The following ZNF804A variants were observed in gnomAD, a reference collection of about 807,000 sequenced individuals.
The protein encoded by ZNF804A is zinc finger protein 804A.
ZNF804A carries 2 observed loss-of-function variants against 16.5 expected under a neutral mutation model. The ratio of observed to expected loss-of-function variants is 0.12; its 90% CI spans 0.05 to 0.38. The LOEUF (loss-of-function observed/expected upper bound fraction) is 0.38, where lower values mean the gene tolerates loss of function less well. Ranked by LOEUF, ZNF804A falls within the 10% of genes least tolerant of loss-of-function variation. The pLI is 0.99. For missense variants in ZNF804A, 1,473 were observed against 1,390.7 expected (o/e 1.06, Z -0.94); for synonymous variants, 534 against 489.6 (o/e 1.09, Z -1.20).
At chr2:184,676,767 A>G (rs1410436899) in intron 1 of ZNF804A, among the ~76,000 whole-genome samples, 1 of 151,846 alleles carries the variant, frequency 6.6e-6, no homozygotes, top group African/African-American at 2.4e-5. Flanking sequence ...GATCAATAGT[A>G]TCTTGAACTT....
At position 184,939,348 on chromosome 2, in the gene ZNF804A, T is replaced by C. The variant is rs762986155; in HGVS notation, c.*322T>C. 5.5e-5 allele frequency: 10 copies of C among 181,644 alleles called. No homozygotes were observed. The highest frequency in any genetic ancestry group is 1.2e-4 in the Admixed American group (2 of 17,028). The allele number at this position is 181,644 out of a possible 1,614,324, so 11.3% of individuals were successfully genotyped here. A position where few individuals can be genotyped will look rare whatever the true frequency, so the allele number is the denominator to read the frequency against. On this transcript the variant is annotated 3_prime_UTR_variant, in exon 4 of 4. Coordinates refer to ENST00000302277, the MANE Select transcript of ZNF804A (RefSeq NM_194250.2). The stretch of plus-strand genomic sequence containing the variant: ...ATTTATGTTGTAAAGTATGCTCCCT[T>C]GGTTTTTCTTAATCTTTGTGTATTT...
At chr2:184,703,067 C>T (rs1371479251) in intron 1 of ZNF804A, among the ~76,000 whole-genome samples, 1 of 152,096 alleles carries the variant, frequency 6.6e-6, no homozygotes, top group Non-Finnish European at 1.5e-5. Context: ...TGATTATAAG[C>T]AATTTAATTG....
At chr2:184,929,995 T>C (rs1685670354) in intron 2 of ZNF804A, among the ~76,000 whole-genome samples, 1 of 152,152 alleles carries the variant, frequency 6.6e-6, no homozygotes, top group Non-Finnish European at 1.5e-5. Flanking sequence ...TCACTCCTTA[T>C]TTCTGTAAAA....
chr2:184,614,103 C>A (rs1691283314), intron 1 of ZNF804A, among the ~76,000 whole-genome samples: 1 of 152,096 alleles, frequency 6.6e-6, no homozygotes, highest in Non-Finnish European at 1.5e-5. Context: ...ACTAATGGAA[C>A]AGAACAGAGG....
At chr2:184,779,096 C>T (rs1694334981) in intron 1 of ZNF804A, among the ~76,000 whole-genome samples, 1 of 151,640 alleles carries the variant, frequency 6.6e-6, no homozygotes, top group Admixed American at 6.6e-5. Context: ...TACCATAAGA[C>T]ATTTTTCCCC....
chr2:184,790,489 A>G (rs1447257644), intron 1 of ZNF804A, among the ~76,000 whole-genome samples: 1 of 152,082 alleles, frequency 6.6e-6, no homozygotes, highest in African/African-American at 2.4e-5. Flanking sequence ...TTTCTTAGAT[A>G]TAGCAGTATT....
At chr2:184,880,152 T>A (rs1684786626) in intron 2 of ZNF804A, among the ~76,000 whole-genome samples, 1 of 152,020 alleles carries the variant, frequency 6.6e-6, no homozygotes, top group Non-Finnish European at 1.5e-5. Flanking sequence ...TGGAGCCCTT[T>A]TGGGAAAAAA....
intron 1 of ZNF804A, among the ~76,000 whole-genome samples, chr2:184,691,383 G>C (rs955354562): frequency 6.6e-6 from 1 of 151,754 alleles, no homozygotes; most frequent in Non-Finnish European, 1.5e-5. Context: ...TTTGTTCCAA[G>C]TCAATTGGTA....
At chr2:184,727,765 T>C (rs1444036982) in intron 1 of ZNF804A, among the ~76,000 whole-genome samples, 1 of 151,714 alleles carries the variant, frequency 6.6e-6, no homozygotes, top group Non-Finnish European at 1.5e-5. Context: ...TTAATTCTAC[T>C]AAACACTTAC....
At chr2:184,841,641 T>C (rs1355154208) in intron 1 of ZNF804A, among the ~76,000 whole-genome samples, 1 of 152,222 alleles carries the variant, frequency 6.6e-6, no homozygotes, top group Non-Finnish European at 1.5e-5. Context: ...TGACCAGTAA[T>C]AATACATTTA....
intron 1 of ZNF804A, among the ~76,000 whole-genome samples, chr2:184,775,500 A>G (rs1389348377): frequency 6.6e-6 from 1 of 151,712 alleles, no homozygotes; most frequent in East Asian, 1.9e-4. Context: ...TCGGTTCTAC[A>G]CTTCTACTTT....
At chr2:184,702,129 A>G (rs1420232463) in intron 1 of ZNF804A, among the ~76,000 whole-genome samples, 1 of 152,006 alleles carries the variant, frequency 6.6e-6, no homozygotes, top group African/African-American at 2.4e-5. Context: ...TTTTTAAAGA[A>G]CCTTGTTTTC....
intron 1 of ZNF804A, among the ~76,000 whole-genome samples, chr2:184,862,441 C>G (rs539982525): frequency 6.6e-6 from 1 of 152,232 alleles, no homozygotes; most frequent in East Asian, 1.9e-4. Context: ...CTTAATTGCA[C>G]TTAACATCAA....
At chr2:184,665,740 C>T (rs931034813) in intron 1 of ZNF804A, among the ~76,000 whole-genome samples, 3 of 152,192 alleles carry the variant, frequency 2.0e-5, no homozygotes, top group African/African-American at 7.2e-5. Flanking sequence ...TCCCTATTTT[C>T]TTGTTGACAG....
chr2:184,935,957 A>C lies in ZNF804A; in HGVS notation c.561A>C (p.Pro187=), dbSNP rs1181619906. Residue 187 remains proline (P), a synonymous_variant, in exon 4 of 4, where the codon CCA becomes CCC. Transcript: ENST00000302277. ...ATGCTACCACTGTTGCTGAAGATCC[A>C]GAAAGTGCAAATAATTATACAGCAA... ...TKDATTVAED[P]ESANNYTAKN... 4 of 1,613,882 alleles carry C rather than the reference A, an allele frequency of 2.5e-6. No homozygotes were observed. Among genetic ancestry groups the C allele is most frequent in the Non-Finnish European group, 3.4e-6 (4 of 1,179,928 alleles).
At chr2:184,858,883 G>T (rs1410158597) in intron 1 of ZNF804A, among the ~76,000 whole-genome samples, 3 of 152,094 alleles carry the variant, frequency 2.0e-5, no homozygotes, top group African/African-American at 7.2e-5. Context: ...GTTTGTCTGG[G>T]AAAGTCTAAC....
intron 1 of ZNF804A, among the ~76,000 whole-genome samples, chr2:184,846,369 G>A (rs1241334905): frequency 2.6e-5 from 4 of 152,054 alleles, no homozygotes; most frequent in Admixed American, 6.6e-5. Context: ...ACCTTTCAGA[G>A]AAAATGGCCA....
chr2:184,708,923 C>T (rs1693080448), intron 1 of ZNF804A, among the ~76,000 whole-genome samples: 1 of 152,044 alleles, frequency 6.6e-6, no homozygotes, highest in African/African-American at 2.4e-5. Context: ...GTAGTCCCAT[C>T]TCCCACTTCA....
chr2:184,786,087 G>A (rs977701941), intron 1 of ZNF804A, among the ~76,000 whole-genome samples: 1 of 151,854 alleles, frequency 6.6e-6, no homozygotes, highest in Non-Finnish European at 1.5e-5. Context: ...CCATGCAAAA[G>A]GACATCATGC....
Sources: gnomAD v4.1 joint callset for allele counts (sites outside exome capture counted in the v4.1 genomes callset) on GRCh38, gnomAD v4.1.1 for gene constraint, MANE v1.5 for transcripts, NCBI Gene and HGNC (gene_info 2026-07-23, HGNC 2026-07-21) for gene names.